SMIM13: variants seen among roughly 807,000 people sequenced by gnomAD.
SMIM13 encodes small integral membrane protein 13, also known as UPF0766 protein C6orf228.
Under a neutral mutation model 5.9 loss-of-function variants are expected in SMIM13, and 3 were observed. The observed-to-expected ratio is 0.51, with a 90% CI of 0.23 to 1.31. The LOEUF is 1.31. Among genes scored for constraint, SMIM13 ranks in the 40% most tolerant of loss-of-function variants. The probability of loss-of-function intolerance (pLI) is 0.18; values close to 1 mark genes in which losing one functional copy is unlikely to be tolerated. For synonymous variants in SMIM13, 55 were observed against 46.0 expected, an observed-to-expected ratio of 1.19 and a Z score of -0.79; for missense variants, 85 against 109.9, an observed-to-expected ratio of 0.77 and a Z score of 1.01.
chr6:11,121,202 A>T (rs1032489405), intron 1 of SMIM13, among the ~76,000 whole-genome samples: 1 of 152,192 alleles, frequency 6.6e-6, no homozygotes, highest in African/African-American at 2.4e-5. Flanking sequence ...AACAATCAGT[A>T]TATTGTGGAC....
chr6:11,129,768 C>T (rs1354240102), intron 1 of SMIM13, among the ~76,000 whole-genome samples: 2 of 152,012 alleles, frequency 1.3e-5, no homozygotes, highest in Admixed American at 1.3e-4. Context: ...GTGATGCCTC[C>T]TAGTTGTTAT....
In SMIM13 at chr6:11,094,393, A is replaced by G. The variant is rs1229682405; in HGVS notation, c.76+4A>G. The G allele has an allele frequency of 8.5e-6, 13 of 1,533,222 alleles. No homozygotes were observed. The highest frequency in any genetic ancestry group is 1.4e-5 in the African/African-American group (1 of 72,556). The allele number at this position is 1,533,222 out of a possible 1,614,324, so 95.0% of individuals were successfully genotyped here. A position where few individuals can be genotyped will look rare whatever the true frequency, so the allele number is the denominator to read the frequency against. ...GTCCTGCTGCTGATGGTGTGCGGTG[A>G]GTGGGGGCGGTAGCCGCGAGGCAGT... On this transcript the variant is annotated splice_donor_region_variant and intron_variant, in intron 1 of 1. Transcript: ENST00000416247.
chr6:11,101,672 T>C (rs759296844), intron 1 of SMIM13, among the ~76,000 whole-genome samples: 22 of 152,050 alleles, frequency 1.4e-4, no homozygotes, highest in Admixed American at 1.0e-3. Flanking sequence ...AGGGTGTCTT[T>C]AAACTGGTCT....
chr6:11,095,767 T>A (rs1320785515), intron 1 of SMIM13, among the ~76,000 whole-genome samples: 2 of 152,252 alleles, frequency 1.3e-5, no homozygotes, highest in Non-Finnish European at 1.5e-5. Flanking sequence ...CTCAATTTTC[T>A]GCTTGTGATA....
intron 1 of SMIM13, among the ~76,000 whole-genome samples, chr6:11,096,569 G>A (rs925934070): frequency 6.6e-6 from 1 of 152,304 alleles, no homozygotes; most frequent in East Asian, 1.9e-4. Context: ...GGGAGAGGAG[G>A]CAAGGATCAG....
At chr6:11,117,428 G>A (rs908441823) in intron 1 of SMIM13, among the ~76,000 whole-genome samples, 8 of 151,294 alleles carry the variant, frequency 5.3e-5, no homozygotes, top group African/African-American at 1.9e-4. Flanking sequence ...GCCTGCCTTG[G>A]CCTCCCAAGG....
In SMIM13 at chr6:11,135,914, T is replaced by G. The variant is rs2070604663; in HGVS notation, c.*1312T>G. 2.0e-5 allele frequency: 3 copies of G among 152,232 alleles called. No individual in the cohort carries two copies. The highest frequency in any genetic ancestry group is 7.2e-5 in the African/African-American group (3 of 41,452). The allele number at this position is 152,232 out of a possible 1,614,324, so 9.4% of individuals were successfully genotyped here. A position where few individuals can be genotyped will look rare whatever the true frequency, so the allele number is the denominator to read the frequency against. On this transcript the variant is annotated 3_prime_UTR_variant, in exon 2 of 2. Transcript: ENST00000416247. ...GTGTCTTAGGTTAAATTAAAAATGG[T>G]AGCTTGTAAATTTATTTTTCTTTTT...
intron 1 of SMIM13, among the ~76,000 whole-genome samples, chr6:11,130,795 T>G (rs1208766025): frequency 1.3e-5 from 2 of 152,194 alleles, no homozygotes; most frequent in Non-Finnish European, 2.9e-5. Flanking sequence ...ATTTCTGTGC[T>G]GAGAGACTTA....
chr6:11,112,187 G>T (rs891740688), intron 1 of SMIM13, among the ~76,000 whole-genome samples: 3 of 151,838 alleles, frequency 2.0e-5, no homozygotes, highest in African/African-American at 4.8e-5. Flanking sequence ...CTCCTGCCCT[G>T]CTCATGTCTG....
chr6:11,114,185 G>A (rs890405437), intron 1 of SMIM13, among the ~76,000 whole-genome samples: 2 of 151,860 alleles, frequency 1.3e-5, no homozygotes, highest in Admixed American at 6.6e-5. Flanking sequence ...TCACCATGTT[G>A]GCCAGGCTTG....
At chr6:11,113,975 T>G (rs1758202968) in intron 1 of SMIM13, among the ~76,000 whole-genome samples, 1 of 145,856 alleles carries the variant, frequency 6.9e-6, no homozygotes, top group Admixed American at 6.7e-5. Flanking sequence ...TTATTCTTTT[T>G]GTTTTTTTTT....
intron 1 of SMIM13, chr6:11,103,791 A>G (rs2113642380): frequency 6.4e-7 from 1 of 1,551,688 alleles, no homozygotes; most frequent in East Asian, 2.4e-5. Context: ...AAATTGGGTT[A>G]TTAGATTTAG....
intron 1 of SMIM13, among the ~76,000 whole-genome samples, chr6:11,118,409 T>C (rs976841386): frequency 9.9e-5 from 15 of 152,174 alleles, no homozygotes; most frequent in African/African-American, 3.6e-4. Context: ...TAAATCTTGA[T>C]AGTTTTGGGA....
At chr6:11,104,036 T>C in intron 1 of SMIM13, 1 of 1,551,768 alleles carries the variant, frequency 6.4e-7, no homozygotes, top group South Asian at 1.2e-5. Flanking sequence ...CTCCCTGTGC[T>C]GCCGTTAACA....
Position 11,134,798 on chromosome 6 carries a change from A to G in SMIM13, c.*196A>G, listed in dbSNP as rs1278115553. ...CTATTATAAATTTCATCTTAAAGAT[A>G]ATCTTTTGTTTCACCAGCTTTCTAC... On this transcript the variant is annotated 3_prime_UTR_variant, in exon 2 of 2. Transcript: ENST00000416247. 2.4e-6 allele frequency: 1 copy of G among 418,732 alleles called. No individual in the cohort carries two copies. The highest frequency in any genetic ancestry group is 4.1e-6 in the Non-Finnish European group (1 of 241,428). 25.9% of individuals were successfully genotyped at this position (418,732 alleles called of 1,614,324 possible).
intron 1 of SMIM13, among the ~76,000 whole-genome samples, chr6:11,127,084 C>T (rs540490349): frequency 2.0e-5 from 3 of 152,300 alleles, no homozygotes; most frequent in East Asian, 3.9e-4. Flanking sequence ...GAGTCAGACT[C>T]GAAGCCAGCA....
At chr6:11,117,492 T>G (rs926737225) in intron 1 of SMIM13, among the ~76,000 whole-genome samples, 2 of 152,038 alleles carry the variant, frequency 1.3e-5, no homozygotes, top group African/African-American at 4.8e-5. Context: ...AATAGTTGTT[T>G]GTAAGTATTG....
intron 1 of SMIM13, among the ~76,000 whole-genome samples, chr6:11,101,121 C>A (rs1020443066): frequency 6.9e-6 from 1 of 145,540 alleles, no homozygotes; most frequent in African/African-American, 2.5e-5. Context: ...ATCTTTTTAT[C>A]TCCTAATTCC....
Position 11,134,479 on chromosome 6 carries a change from A to G in SMIM13, c.153A>G (p.Gln51=). ...AACTGGTGGGAGACACAGGATCCCA[A>G]GAGGGAGATCATGAGCCTTCAGGGT... The part of the protein sequence containing the change: ...LRELVGDTGS[Q]EGDHEPSGSE... The change falls in exon 2 of 2, where the codon CAA becomes CAG. Residue 51 remains glutamine, a synonymous_variant. Transcript: ENST00000416247. 1 of 1,551,338 alleles carries G rather than the reference A, an allele frequency of 6.4e-7. No homozygotes were observed. Among genetic ancestry groups the G allele is most frequent in the Non-Finnish European group, 8.7e-7 (1 of 1,146,722 alleles).
Sources: allele counts gnomAD v4.1 joint callset (sites outside exome capture counted in the v4.1 genomes callset), GRCh38; gene constraint gnomAD v4.1.1; transcripts MANE v1.5; gene names NCBI Gene and HGNC (gene_info 2026-07-23, HGNC 2026-07-21).